ALKBH8: variants seen among roughly 807,000 people sequenced by gnomAD.
ALKBH8 encodes tRNA (carboxymethyluridine(34)-5-O)-methyltransferase ALKBH8.
A neutral mutation model predicts 59.8 loss-of-function variants in ALKBH8; 36 were observed. That is an observed-to-expected ratio of 0.60 (90% CI 0.46 to 0.79). The LOEUF is 0.79. Ranked by LOEUF, ALKBH8 falls within the 30% of genes least tolerant of loss-of-function variation. ALKBH8 has a pLI of 0.00. For missense variants in ALKBH8, 768 were observed against 801.0 expected (o/e 0.96, Z 0.50); for synonymous variants, 276 against 273.6 (o/e 1.01, Z -0.09).
chr11:107,558,496 AG>A (rs1158092407), intron 2 of ALKBH8, among the ~76,000 whole-genome samples: 1 of 152,174 alleles, frequency 6.6e-6, no homozygotes, highest in Non-Finnish European at 1.5e-5. Flanking sequence ...TCTATGGAAG[AG>A]CAAAGGTTTC....
At chr11:107,523,648 G>A (rs1384210225) in intron 9 of ALKBH8, among the ~76,000 whole-genome samples, 3 of 147,536 alleles carry the variant, frequency 2.0e-5, no homozygotes, top group Non-Finnish European at 4.4e-5. Context: ...TGTTGGCCAG[G>A]CTAGAGTGCA....
intron 7 of ALKBH8, 70 bp downstream of exon 7, chr11:107,549,683 G>T: frequency 9.3e-7 from 1 of 1,077,442 alleles, no homozygotes; most frequent in Non-Finnish European, 1.3e-6. Context: ...TTAAGAATGT[G>T]GATAATCTTT....
chr11:107,530,689 A>C (rs1652314754), intron 8 of ALKBH8, among the ~76,000 whole-genome samples: 1 of 151,722 alleles, frequency 6.6e-6, no homozygotes, highest in African/African-American at 2.4e-5. Context: ...GGCAGCCTTC[A>C]AAAATAATAC....
At chr11:107,529,676 T>C (rs637200) in intron 8 of ALKBH8, among the ~76,000 whole-genome samples, 3 of 151,912 alleles carry the variant, frequency 2.0e-5, no homozygotes, top group Admixed American at 6.6e-5. Flanking sequence ...GGCTAATTTT[T>C]GTATTTTTAG....
chr11:107,511,665 G>A (rs894979496), intron 10 of ALKBH8, among the ~76,000 whole-genome samples: 14 of 151,920 alleles, frequency 9.2e-5, no homozygotes, highest in African/African-American at 2.9e-4. Context: ...CAACCTCCAC[G>A]TCCTGGGTTC....
At chr11:107,547,454 A>T (rs1299760889) in intron 7 of ALKBH8, among the ~76,000 whole-genome samples, 2 of 152,202 alleles carry the variant, frequency 1.3e-5, no homozygotes, top group Non-Finnish European at 2.9e-5. Context: ...GAACAGATAC[A>T]CCTGAAGGAG....
chr11:107,544,621 T>C (rs1864173704), intron 7 of ALKBH8, among the ~76,000 whole-genome samples: 1 of 152,098 alleles, frequency 6.6e-6, no homozygotes, highest in South Asian at 2.1e-4. Flanking sequence ...AACCAGCAGA[T>C]CTACTTGTCT....
chr11:107,523,850 C>T (rs1591270791), intron 9 of ALKBH8, among the ~76,000 whole-genome samples: 1 of 152,014 alleles, frequency 6.6e-6, no homozygotes, highest in South Asian at 2.1e-4. Context: ...AATCTGCCCA[C>T]CTTGGCCTCC....
At chr11:107,522,762 T>C (rs201738441) in intron 9 of ALKBH8, among the ~76,000 whole-genome samples, 1 of 152,082 alleles carries the variant, frequency 6.6e-6, no homozygotes, top group African/African-American at 2.4e-5. Context: ...GCTATGATCG[T>C]GCTATTGCAC....
chr11:107,508,556 T>A (rs1054587231), intron 11 of ALKBH8, among the ~76,000 whole-genome samples: 8 of 152,172 alleles, frequency 5.3e-5, no homozygotes, highest in African/African-American at 1.9e-4. Flanking sequence ...CTGAGTGACA[T>A]TAAGTACATT....
At chr11:107,527,753 A>AGT (rs1368723476) in intron 8 of ALKBH8, among the ~76,000 whole-genome samples, 1 of 152,100 alleles carries the variant, frequency 6.6e-6, no homozygotes, top group Non-Finnish European at 1.5e-5. Flanking sequence ...ACAATAATGT[A>AGT]ATCTACAAAT....
chr11:107,562,354 AT>A (rs1864972007), intron 1 of ALKBH8, among the ~76,000 whole-genome samples: 1 of 151,984 alleles, frequency 6.6e-6, no homozygotes, highest in Non-Finnish European at 1.5e-5. Context: ...AAAACAGGAG[AT>A]TTGTGCCATG....
intron 1 of ALKBH8, among the ~76,000 whole-genome samples, chr11:107,563,394 C>T (rs894495848): frequency 3.3e-5 from 5 of 152,154 alleles, no homozygotes; most frequent in Non-Finnish European, 1.5e-5. Context: ...CAAATCTCAG[C>T]TCAACCACTG....
chr11:107,555,086 C>T (rs543268011), intron 3 of ALKBH8, among the ~76,000 whole-genome samples: 26 of 152,050 alleles, frequency 1.7e-4, no homozygotes, highest in African/African-American at 5.5e-4. Flanking sequence ...TGTAAAACCC[C>T]GTCTCTACTA....
At chr11:107,533,666 G>A (rs1230785796) in intron 7 of ALKBH8, among the ~76,000 whole-genome samples, 3 of 152,078 alleles carry the variant, frequency 2.0e-5, no homozygotes, top group Non-Finnish European at 4.4e-5. Flanking sequence ...ATTGATACCT[G>A]CAACCTTCTT....
At chr11:107,532,269 A>G in intron 8 of ALKBH8, 31 bp downstream of exon 8, 1 of 1,568,700 alleles carries the variant, frequency 6.4e-7, no homozygotes, top group Non-Finnish European at 8.7e-7. Context: ...TCTCATAAAG[A>G]AAAAGAATCC....
At chr11:107,560,212 T>C (rs544094297) in intron 2 of ALKBH8, among the ~76,000 whole-genome samples, 4 of 152,302 alleles carry the variant, frequency 2.6e-5, no homozygotes, top group South Asian at 4.1e-4. Flanking sequence ...ACATTTATCA[T>C]CTCATTTAAT....
rs1320419463 is a variant in ALKBH8, at chr11:107,508,493, T to G, written c.1437+2394A>C. On this transcript the variant is annotated intron_variant, in intron 11 of 11. Coordinates refer to ENST00000428149, the MANE Select transcript of ALKBH8 (RefSeq NM_138775.3). ...TGGCCTCAATGACTTATTTTTATTG[T>G]GGTAAAATATATGTAACAAAATTTG... Among the ~76,000 whole-genome samples, 3 of 152,190 alleles carry G rather than the reference T, an allele frequency of 2.0e-5. No individual in the cohort carries two copies. In the East Asian group the frequency reaches 5.8e-4, roughly 29 times the overall value.
chr11:107,564,932 T>C (rs919513661), intron 1 of ALKBH8, among the ~76,000 whole-genome samples: 1 of 152,206 alleles, frequency 6.6e-6, no homozygotes, highest in Non-Finnish European at 1.5e-5. Context: ...TCTTACCTCC[T>C]AAACCTCCCC....
Sources: gnomAD v4.1 joint callset for allele counts (sites outside exome capture counted in the v4.1 genomes callset) on GRCh38, gnomAD v4.1.1 for gene constraint, MANE v1.5 for transcripts, NCBI Gene and HGNC (gene_info 2026-07-23, HGNC 2026-07-21) for gene names.